Variants in ABCA8 observed in about 807,000 individuals in gnomAD.
ABCA8 encodes ATP binding cassette subfamily A member 8.
In ABCA8, 177 loss-of-function variants were observed where a neutral mutation model predicts 192.3. The ratio of observed to expected loss-of-function variants is 0.92; its 90% CI spans 0.81 to 1.04. The LOEUF is 1.04. Ranked by LOEUF, ABCA8 falls within the 50% of genes least tolerant of loss-of-function variation. The pLI, the probability that ABCA8 is intolerant of heterozygous loss-of-function variation, is 0.00. For synonymous variants in ABCA8, 642 were observed against 690.2 expected, an observed-to-expected ratio of 0.93 and a Z score of 1.09; for missense variants, 1,915 against 1,904.8, an observed-to-expected ratio of 1.01 and a Z score of -0.10.
chr17:68,935,883 A>G (rs1263888143), intron 5 of ABCA8, among the ~76,000 whole-genome samples: 2 of 152,136 alleles, frequency 1.3e-5, no homozygotes, highest in Non-Finnish European at 2.9e-5. Flanking sequence ...ACTAATAGCC[A>G]TTCCGACTAG....
chr17:68,913,545 A>G (rs1159242756), intron 17 of ABCA8, among the ~76,000 whole-genome samples: 1 of 152,116 alleles, frequency 6.6e-6, no homozygotes, highest in Non-Finnish European at 1.5e-5. Flanking sequence ...AGAGATAAAT[A>G]GGAGAAATAA....
At chr17:68,890,549 C>T (rs765177482) in intron 24 of ABCA8, among the ~76,000 whole-genome samples, 5 of 152,080 alleles carry the variant, frequency 3.3e-5, no homozygotes, top group Non-Finnish European at 4.4e-5. Flanking sequence ...GATGGAGTCT[C>T]GGTCTGTTGC....
intron 2 of ABCA8, among the ~76,000 whole-genome samples, chr17:68,944,357 T>TACAC (rs1470139309): frequency 1.9e-4 from 10 of 53,424 alleles, no homozygotes; most frequent in South Asian, 5.4e-4. Context: ...TATATATATA[T>TACAC]ATACACATAT....
intron 20 of ABCA8, 137 bp from the exon 21 acceptor site, chr17:68,903,016 G>A (rs1010884016): frequency 1.2e-6 from 1 of 838,768 alleles, no homozygotes; most frequent in Non-Finnish European, 1.8e-6. Context: ...TGAGTATTTT[G>A]TCCTTTTACT....
chr17:68,927,430 T>C (rs1177178537), intron 10 of ABCA8, among the ~76,000 whole-genome samples: 1 of 141,902 alleles, frequency 7.0e-6, no homozygotes, highest in Admixed American at 7.3e-5. Context: ...GGCTTTCCTA[T>C]TGTGAACTTC....
intron 37 of ABCA8, among the ~76,000 whole-genome samples, chr17:68,870,166 T>C (rs1428133166): frequency 6.6e-6 from 1 of 152,176 alleles, no homozygotes; most frequent in Non-Finnish European, 1.5e-5. Flanking sequence ...CCTTAAACCT[T>C]CATAAAAACT....
intron 38 of ABCA8, among the ~76,000 whole-genome samples, chr17:68,868,720 G>A (rs1438251163): frequency 6.6e-6 from 1 of 152,144 alleles, no homozygotes; most frequent in Non-Finnish European, 1.5e-5. Flanking sequence ...TATGGAGAAG[G>A]ATTTGTGAGC....
At chr17:68,902,331 T>C (rs2066937037) in intron 21 of ABCA8, among the ~76,000 whole-genome samples, 1 of 152,182 alleles carries the variant, frequency 6.6e-6, no homozygotes, top group Non-Finnish European at 1.5e-5. Context: ...ATGGGGTTTC[T>C]TTATGGGGTG....
rs756684354 is a variant in ABCA8, at chr17:68,868,369, G to C, written c.4712-13C>G. ...AAGCTCTGTTTAACTGCATAGGGAT[G>C]AACATGTATTAGTTCATATATTTCA... On this transcript the variant is annotated splice_polypyrimidine_tract_variant and intron_variant, in intron 38 of 39. Transcript: ENST00000586539. 3 of 1,606,860 alleles carry C rather than the reference G, an allele frequency of 1.9e-6. No homozygotes were observed. Among genetic ancestry groups the C allele is most frequent in the Middle Eastern group, 1.6e-4 (1 of 6,066 alleles).
chr17:68,932,188 C>T (rs112261473), intron 7 of ABCA8, 100 bp downstream of exon 7: 14 of 892,554 alleles, frequency 1.6e-5, no homozygotes, highest in African/African-American at 5.2e-5. Flanking sequence ...CCAGCCTGGG[C>T]GACAGAGCGA....
intron 36 of ABCA8, 81 bp downstream of exon 36, chr17:68,875,533 T>C: frequency 6.3e-7 from 1 of 1,591,600 alleles, no homozygotes; most frequent in Non-Finnish European, 8.6e-7. Flanking sequence ...TCAGCTGTTT[T>C]CAGTGATCTC....
chr17:68,876,784 C>G (rs1024576808), intron 33 of ABCA8, 81 bp from the exon 34 acceptor site: 1 of 1,563,862 alleles, frequency 6.4e-7, no homozygotes, highest in Non-Finnish European at 8.8e-7. Context: ...GGTGGAGAAG[C>G]AGAACTCAAA....
At chr17:68,941,219 T>C (rs1484561594) in intron 3 of ABCA8, among the ~76,000 whole-genome samples, 1 of 152,128 alleles carries the variant, frequency 6.6e-6, no homozygotes, top group Non-Finnish European at 1.5e-5. Flanking sequence ...TGTAAGGGCA[T>C]TCTGATAATT....
At chr17:68,941,392 C>T (rs912149208) in intron 3 of ABCA8, among the ~76,000 whole-genome samples, 22 of 152,106 alleles carry the variant, frequency 1.4e-4, no homozygotes, top group African/African-American at 5.1e-4. Flanking sequence ...GTTAAAAATG[C>T]TACCTAGCTA....
At chr17:68,950,167 G>A (rs2068530818) in intron 1 of ABCA8, among the ~76,000 whole-genome samples, 1 of 151,678 alleles carries the variant, frequency 6.6e-6, no homozygotes, top group Non-Finnish European at 1.5e-5. Context: ...GCAAAAAGCC[G>A]TCCACTGCTC....
chr17:68,877,841 G>A, intron 32 of ABCA8, 162 bp from the exon 33 acceptor site: 1 of 667,204 alleles, frequency 1.5e-6, no homozygotes, highest in Middle Eastern at 2.7e-4. Context: ...GGTTGTCAGA[G>A]AGCAAATACA....
chr17:68,901,923 C>A (rs2066924712), intron 21 of ABCA8, among the ~76,000 whole-genome samples: 1 of 152,060 alleles, frequency 6.6e-6, no homozygotes, highest in East Asian at 1.9e-4. Context: ...ACCACGTGAC[C>A]CAACAATTCT....
chr17:68,928,141 G>A lies in ABCA8; in HGVS notation c.1126-78C>T, dbSNP rs1197017000. 7 of 1,169,284 alleles carry A rather than the reference G, an allele frequency of 6.0e-6. No homozygotes were observed. The Middle Eastern group carries it at 7.6e-4, about 127-fold the overall frequency. 72.4% of individuals were successfully genotyped at this position (1,169,284 alleles called of 1,614,324 possible). A position where few individuals can be genotyped will look rare whatever the true frequency, so the allele number is the denominator to read the frequency against. On this transcript the variant is annotated intron_variant, in intron 9 of 39. Transcript: ENST00000586539. ...AAACAGTTAGGTTTAGCATAGTAAT[G>A]AAATGACTACTTATTGCCTCATACT... is the stretch of plus-strand genomic sequence containing the variant.
At chr17:68,882,542 A>G (rs952127628) in intron 30 of ABCA8, 57 bp downstream of exon 30, 3 of 1,473,458 alleles carry the variant, frequency 2.0e-6, no homozygotes, top group African/African-American at 2.8e-5. Flanking sequence ...ACTCAAAATC[A>G]TTAGAGAATT....
Sources: allele counts gnomAD v4.1 joint callset (sites outside exome capture counted in the v4.1 genomes callset), GRCh38; gene constraint gnomAD v4.1.1; transcripts MANE v1.5; gene names NCBI Gene and HGNC (gene_info 2026-07-23, HGNC 2026-07-21).